CACNA2D3: variants seen among roughly 807,000 people sequenced by gnomAD.
The protein encoded by CACNA2D3 is calcium voltage-gated channel auxiliary subunit alpha2delta 3.
A neutral mutation model predicts 160.6 loss-of-function variants in CACNA2D3; 60 were observed. The observed-to-expected ratio is 0.37, with a 90% confidence interval of 0.30 to 0.46. The LOEUF is 0.46. Ranked by LOEUF, CACNA2D3 falls within the 20% of genes least tolerant of loss-of-function variation. The probability of loss-of-function intolerance (pLI) is 1.00; values close to 1 mark genes in which losing one functional copy is unlikely to be tolerated. For synonymous variants in CACNA2D3, 558 were observed against 492.9 expected (o/e 1.13, Z -1.75); for missense variants, 1,205 against 1,365.0 (o/e 0.88, Z 1.85).
At chr3:54,919,914 C>T (rs773751872) in intron 27 of CACNA2D3, among the ~76,000 whole-genome samples, 1 of 152,194 alleles carries the variant, frequency 6.6e-6, no homozygotes, top group Non-Finnish European at 1.5e-5. Flanking sequence ...CTCGCTGCCT[C>T]GCCACATCCT....
At chr3:54,128,015 G>A (rs1699630610) in intron 2 of CACNA2D3, among the ~76,000 whole-genome samples, 1 of 151,792 alleles carries the variant, frequency 6.6e-6, no homozygotes, top group Non-Finnish European at 1.5e-5. Context: ...GCTGCGGCCT[G>A]TGTTGCTCAG....
At chr3:54,626,367 G>C in intron 9 of CACNA2D3, 1 of 1,561,952 alleles carries the variant, frequency 6.4e-7, no homozygotes. Context: ...TGCGGCGGAA[G>C]CAGCACTCCC....
chr3:54,296,016 G>A (rs1703334620), intron 2 of CACNA2D3, among the ~76,000 whole-genome samples: 1 of 152,182 alleles, frequency 6.6e-6, no homozygotes, highest in African/African-American at 2.4e-5. Context: ...CATGAGGGGA[G>A]GTTGGCAGGG....
At chr3:54,300,062 G>C (rs1245657654) in intron 2 of CACNA2D3, among the ~76,000 whole-genome samples, 2 of 152,188 alleles carry the variant, frequency 1.3e-5, no homozygotes, top group Non-Finnish European at 2.9e-5. Flanking sequence ...AAAGAGGTTA[G>C]TTTAAAAGTT....
intron 27 of CACNA2D3, among the ~76,000 whole-genome samples, chr3:54,920,146 T>C (rs1700797954): frequency 6.6e-6 from 1 of 152,178 alleles, no homozygotes. Flanking sequence ...AATTAGGAAA[T>C]TATACCAGAA....
intron 27 of CACNA2D3, among the ~76,000 whole-genome samples, chr3:54,961,270 T>G (rs1293588358): frequency 6.6e-6 from 1 of 152,190 alleles, no homozygotes; most frequent in African/African-American, 2.4e-5. Flanking sequence ...AACCAAGCCA[T>G]GTAAAAATAC....
chr3:54,497,610 T>C (rs1030113880), intron 4 of CACNA2D3, among the ~76,000 whole-genome samples: 1 of 152,006 alleles, frequency 6.6e-6, no homozygotes, highest in Non-Finnish European at 1.5e-5. Flanking sequence ...TTATTTGTCT[T>C]ACAGTATTTG....
At chr3:54,794,132 T>C (rs1304159049) in intron 13 of CACNA2D3, among the ~76,000 whole-genome samples, 1 of 152,152 alleles carries the variant, frequency 6.6e-6, no homozygotes, top group Non-Finnish European at 1.5e-5. Flanking sequence ...TACATGCATG[T>C]ATCTATATAT....
At chr3:54,950,682 T>C (rs186534458) in intron 27 of CACNA2D3, among the ~76,000 whole-genome samples, 7 of 152,286 alleles carry the variant, frequency 4.6e-5, no homozygotes, top group Admixed American at 2.6e-4. Context: ...CCAGGTTCTC[T>C]ACTCACGAAA....
chr3:55,009,985 C>G (rs746232974), intron 34 of CACNA2D3, among the ~76,000 whole-genome samples: 1 of 152,144 alleles, frequency 6.6e-6, no homozygotes, highest in Non-Finnish European at 1.5e-5. Flanking sequence ...ATCAGCTGAT[C>G]TGTCTCCAAG....
At chr3:54,761,268 G>C (rs896456767) in intron 12 of CACNA2D3, among the ~76,000 whole-genome samples, 4 of 152,280 alleles carry the variant, frequency 2.6e-5, no homozygotes, top group African/African-American at 9.6e-5. Context: ...AAACAGAATT[G>C]TTTGACACTG....
chr3:54,284,281 AAAATT>A (rs529900925), intron 2 of CACNA2D3, among the ~76,000 whole-genome samples: 22 of 151,842 alleles, frequency 1.4e-4, no homozygotes, highest in Admixed American at 6.5e-4. Context: ...AATAAAAAAT[AAAATT>A]AAATTAAAAA....
Position 54,613,490 on chromosome 3 carries a change from T to A in CACNA2D3, c.964-14297T>A, listed in dbSNP as rs1193746148. Among the ~76,000 whole-genome samples, 5 of 152,220 alleles carry A rather than the reference T, an allele frequency of 3.3e-5. No homozygotes were observed. In the East Asian group the frequency reaches 9.6e-4, roughly 29 times the overall value. On this transcript the variant is annotated intron_variant, in intron 9 of 37. Transcript: ENST00000474759. ...TGGCCCTGGGCCTCTCTTGCCTTGT[T>A]CTTTGAGGTCCACGTTTCTGTTTAC... is the stretch of plus-strand genomic sequence containing the variant.
intron 2 of CACNA2D3, 107 bp from the exon 3 acceptor site, chr3:54,320,335 G>A (rs966099817): frequency 4.3e-5 from 24 of 559,202 alleles, no homozygotes; most frequent in Non-Finnish European, 6.0e-5. Context: ...AGCAGTCATG[G>A]TGTAATTTTA....
intron 2 of CACNA2D3, among the ~76,000 whole-genome samples, chr3:54,219,366 C>G (rs1394573575): frequency 1.3e-5 from 2 of 152,178 alleles, no homozygotes; most frequent in Non-Finnish European, 2.9e-5. Flanking sequence ...TTGACTTGCA[C>G]CTATTCATTT....
chr3:54,267,440 G>C (rs2107446871), intron 2 of CACNA2D3, among the ~76,000 whole-genome samples: 2 of 152,262 alleles, frequency 1.3e-5, no homozygotes, highest in South Asian at 2.1e-4. Context: ...GGAGGTGCAG[G>C]CTAGATTCTC....
At chr3:54,820,893 T>A (rs1348128852) in intron 14 of CACNA2D3, among the ~76,000 whole-genome samples, 5 of 152,204 alleles carry the variant, frequency 3.3e-5, no homozygotes, top group Non-Finnish European at 7.3e-5. Context: ...TCTAGCTGCA[T>A]TTTTCTTCAC....
chr3:54,461,696 T>C lies in CACNA2D3; in HGVS notation c.382-41796T>C, dbSNP rs184995858. 1.2e-3 allele frequency among the ~76,000 whole-genome samples: 175 copies of C among 152,020 alleles called. 2 individuals carry two copies. Among genetic ancestry groups the C allele is most frequent in the Middle Eastern group, 3.4e-3 (1 of 294 alleles). On this transcript the variant is annotated intron_variant, in intron 4 of 37. Coordinates refer to ENST00000474759, the MANE Select transcript of CACNA2D3 (RefSeq NM_018398.3). Reference sequence around the variant, plus strand: ...TTCTTTATTAGTCTTGGTAGTGATCTATCAGTTTTGTTGATCCTTTCAAAA... The same window carrying C: ...TTCTTTATTAGTCTTGGTAGTGATCCATCAGTTTTGTTGATCCTTTCAAAA...
At chr3:54,725,579 C>T (rs677010) in intron 11 of CACNA2D3, among the ~76,000 whole-genome samples, 128,382 of 152,120 alleles carry the variant, frequency 0.84, 55,510 homozygotes, top group Non-Finnish European at 0.94. Flanking sequence ...TCAAGTCAGC[C>T]TCATACCTGG....
Sources: allele counts gnomAD v4.1 joint callset (sites outside exome capture counted in the v4.1 genomes callset), GRCh38; gene constraint gnomAD v4.1.1; transcripts MANE v1.5; gene names NCBI Gene and HGNC (gene_info 2026-07-23, HGNC 2026-07-21).